Variants in SGCZ observed in about 807,000 individuals in gnomAD.
SGCZ encodes the protein sarcoglycan zeta.
In SGCZ, 40 loss-of-function variants were observed where a neutral mutation model predicts 41.3. The observed-to-expected ratio is 0.97, with a 90% confidence interval of 0.75 to 1.26. The LOEUF (loss-of-function observed/expected upper bound fraction) is 1.26. SGCZ is among the 50% of genes most tolerant of loss of function. The pLI is 0.00. For synonymous variants in SGCZ, 206 were observed against 137.5 expected (o/e 1.50, Z -3.49); for missense variants, 552 against 369.8 (o/e 1.49, Z -4.04).
intron 1 of SGCZ, among the ~76,000 whole-genome samples, chr8:15,188,428 A>C (rs1015501513): frequency 1.8e-4 from 28 of 152,152 alleles, no homozygotes; most frequent in African/African-American, 6.0e-4. Context: ...ATATAGAATA[A>C]GCAGATGCTA....
At chr8:14,347,464 A>T (rs1347345806) in intron 2 of SGCZ, among the ~76,000 whole-genome samples, 1 of 152,116 alleles carries the variant, frequency 6.6e-6, no homozygotes, top group Non-Finnish European at 1.5e-5. Context: ...TCTTCAGGAA[A>T]TTGTGTGACT....
At chr8:14,907,916 G>T (rs779873805) in intron 1 of SGCZ, among the ~76,000 whole-genome samples, 5 of 152,126 alleles carry the variant, frequency 3.3e-5, no homozygotes, top group Non-Finnish European at 7.4e-5. Context: ...AGAAAGAATA[G>T]TTATTAATAG....
chr8:14,875,183 C>A (rs1804303717), intron 1 of SGCZ, among the ~76,000 whole-genome samples: 1 of 152,162 alleles, frequency 6.6e-6, no homozygotes, highest in Non-Finnish European at 1.5e-5. Flanking sequence ...CAAAATGATA[C>A]CGTGTTGCTA....
intron 3 of SGCZ, among the ~76,000 whole-genome samples, chr8:14,295,983 T>G (rs1800998556): frequency 6.6e-6 from 1 of 152,148 alleles, no homozygotes; most frequent in South Asian, 2.1e-4. Flanking sequence ...ACTGGAGAAC[T>G]GTGAGGTACA....
chr8:14,879,772 C>G (rs2130720386), intron 1 of SGCZ: 1 of 151,472 alleles, frequency 6.6e-6, no homozygotes, highest in South Asian at 2.1e-4. Flanking sequence ...ATTCTCACTT[C>G]TACCAACAGT....
In SGCZ at chr8:14,311,010, G is replaced by C. The variant is rs372426820; in HGVS notation, c.336+13093C>G. On this transcript the variant is annotated intron_variant, in intron 3 of 7. Transcript: ENST00000382080. ...TGGGTTTGAGACTATTGCTTCACAG[G>C]ATTTCTCAGATGAAACCAAACTGAC... Among the ~76,000 whole-genome samples the C allele has an allele frequency of 4.6e-5, 7 of 152,082 alleles. No homozygotes were observed. In the East Asian group the frequency reaches 1.3e-3, roughly 29 times the overall value.
intron 2 of SGCZ, among the ~76,000 whole-genome samples, chr8:14,373,690 T>G (rs868551438): frequency 3.0e-4 from 46 of 152,258 alleles, no homozygotes; most frequent in African/African-American, 1.0e-3. Flanking sequence ...AAAATCAATT[T>G]TGGTGGAATG....
intron 2 of SGCZ, among the ~76,000 whole-genome samples, chr8:14,365,115 A>C (rs1006127368): frequency 6.6e-6 from 1 of 151,998 alleles, no homozygotes; most frequent in Non-Finnish European, 1.5e-5. Flanking sequence ...CACTTTTGTC[A>C]TATATGTTAT....
chr8:14,180,753 ACTCCAAGCCATG>A (rs1804695720), intron 4 of SGCZ, among the ~76,000 whole-genome samples: 1 of 151,684 alleles, frequency 6.6e-6, no homozygotes. Flanking sequence ...TACCTCTGAA[ACTCCAAGCCATG>A]CTCCTGAAGC....
intron 3 of SGCZ, 135 bp from the exon 4 acceptor site, chr8:14,237,814 C>T: frequency 3.0e-6 from 2 of 664,810 alleles, no homozygotes; most frequent in Middle Eastern, 4.3e-4. Flanking sequence ...ATTTAACGTC[C>T]CAATCATTGG....
At chr8:15,144,822 G>C (rs1222376265) in intron 1 of SGCZ, among the ~76,000 whole-genome samples, 1 of 152,162 alleles carries the variant, frequency 6.6e-6, no homozygotes, top group Non-Finnish European at 1.5e-5. Flanking sequence ...GCAGTGCTTA[G>C]GGACACATTA....
rs571911622 is a variant in SGCZ, at chr8:14,179,848, T to G, written c.425-15146A>C. The stretch of plus-strand genomic sequence containing the variant: ...CTCATTCCTCACTTGGTATAAACCC[T>G]CTACCCATTATACACCCCAATAAAT... On this transcript the variant is annotated intron_variant, in intron 4 of 7. Transcript: ENST00000382080. 2.0e-5 allele frequency among the ~76,000 whole-genome samples: 3 copies of G among 152,150 alleles called. No homozygotes were observed. In the East Asian group the frequency reaches 5.8e-4, roughly 29 times the overall value.
At chr8:14,263,410 G>A (rs535556984) in intron 3 of SGCZ, among the ~76,000 whole-genome samples, 190 of 152,106 alleles carry the variant, frequency 1.2e-3, no homozygotes, top group Middle Eastern at 6.8e-3. Context: ...TTAGCCAGGC[G>A]TGGAGGCACG....
At chr8:15,236,201 G>C (rs1298609652) in intron 1 of SGCZ, among the ~76,000 whole-genome samples, 1 of 152,184 alleles carries the variant, frequency 6.6e-6, no homozygotes, top group Non-Finnish European at 1.5e-5. Context: ...TCTACAGTCA[G>C]TGGCAGGGCG....
At chr8:14,544,028 A>G (rs1180635431) in intron 2 of SGCZ, among the ~76,000 whole-genome samples, 2 of 152,138 alleles carry the variant, frequency 1.3e-5, no homozygotes, top group African/African-American at 4.8e-5. Context: ...CCGAGCACAG[A>G]GTAATTATTT....
At chr8:14,536,863 G>T (rs1449939402) in intron 2 of SGCZ, among the ~76,000 whole-genome samples, 1 of 151,924 alleles carries the variant, frequency 6.6e-6, no homozygotes, top group East Asian at 1.9e-4. Context: ...ATACTTGTTA[G>T]TCTTCAGTGT....
chr8:14,269,059 T>C (rs1209047290), intron 3 of SGCZ, among the ~76,000 whole-genome samples: 1 of 152,134 alleles, frequency 6.6e-6, no homozygotes, highest in Admixed American at 6.5e-5. Flanking sequence ...CAATTCTATA[T>C]CATTAAACAC....
At chr8:14,168,322 G>T (rs966868682) in intron 4 of SGCZ, among the ~76,000 whole-genome samples, 12 of 152,074 alleles carry the variant, frequency 7.9e-5, no homozygotes, top group South Asian at 2.1e-4. Flanking sequence ...CTGCTTTCAT[G>T]AAATATAAAT....
intron 1 of SGCZ, among the ~76,000 whole-genome samples, chr8:14,658,669 T>C (rs1344904081): frequency 6.6e-6 from 1 of 152,142 alleles, no homozygotes; most frequent in African/African-American, 2.4e-5. Flanking sequence ...TCCATACCAC[T>C]CTCCTTCTTT....
Sources: allele counts gnomAD v4.1 joint callset (sites outside exome capture counted in the v4.1 genomes callset), GRCh38; gene constraint gnomAD v4.1.1; transcripts MANE v1.5; gene names NCBI Gene and HGNC (gene_info 2026-07-23, HGNC 2026-07-21).